Variants in GREB1 observed in about 807,000 individuals in gnomAD.
GREB1 encodes the protein growth regulating estrogen receptor binding 1.
A neutral mutation model predicts 200.7 loss-of-function variants in GREB1; 106 were observed. The observed-to-expected ratio is 0.53, with a 90% confidence interval of 0.45 to 0.62. GREB1 has a LOEUF of 0.62. Ranked by LOEUF, GREB1 falls within the 20% of genes least tolerant of loss-of-function variation. The pLI is 0.00. For missense variants in GREB1, 2,243 were observed against 2,556.8 expected (o/e 0.88, Z 2.65); for synonymous variants, 1,132 against 1,092.4 (o/e 1.04, Z -0.72).
intron 3 of GREB1, among the ~76,000 whole-genome samples, chr2:11,565,241 G>T (rs1011723027): frequency 6.6e-6 from 1 of 152,246 alleles, no homozygotes; most frequent in Non-Finnish European, 1.5e-5. Context: ...TTTGCTGCAG[G>T]TGATGAGATG....
At chr2:11,497,922 C>T (rs947368698) in intron 1 of GREB1, among the ~76,000 whole-genome samples, 1 of 88,038 alleles carries the variant, frequency 1.1e-5, no homozygotes, top group Non-Finnish European at 2.4e-5. Flanking sequence ...TTCTTCCATT[C>T]TTTAGTTTGT....
rs868120213 is a variant in GREB1 at position 11,597,234 on chromosome 2, T to C, written c.1955-547T>C. Among the ~76,000 whole-genome samples the C allele has an allele frequency of 3.9e-5, 6 of 152,124 alleles. No homozygotes were observed. The highest frequency in any genetic ancestry group is 5.9e-5 in the Non-Finnish European group (4 of 68,006). ...ATCCACAAGACAGGACATCTTTTAGTGTCACAGTAGACCTGATACCTAATT... is the reference window on the plus strand; with the variant it reads ...ATCCACAAGACAGGACATCTTTTAGCGTCACAGTAGACCTGATACCTAATT... On this transcript the variant is annotated intron_variant, in intron 13 of 32. Coordinates refer to ENST00000381486, the MANE Select transcript of GREB1 (RefSeq NM_014668.4). This position sits in a 1 kb window ranked among gnomAD's most constrained non-coding sequence, Gnocchi z 4.1.
chr2:11,498,268 TTTTTGTAAAAGGTTTAGG>T (rs1012999989), intron 1 of GREB1, among the ~76,000 whole-genome samples: 2 of 151,916 alleles, frequency 1.3e-5, no homozygotes, highest in African/African-American at 4.8e-5. Flanking sequence ...TATGAGTTAA[TTTTTGTAAAAGGTTTAGG>T]TTTTGTAAAA....
Position 11,615,260 on chromosome 2 carries a change from GACA to G in GREB1, c.3295_3297del (p.Asn1099del). The stretch of plus-strand genomic sequence containing the variant: ...TGATGCTGAGAAGCTGAGCAGCACA[GACA>G]ACGAGGATGAGGAGCTGGGGACAGA... On this transcript the variant is annotated inframe_deletion, in exon 20 of 33. Transcript: ENST00000381486. 1 of 1,603,498 alleles carries G rather than the reference GACA, an allele frequency of 6.2e-7. No individual in the cohort carries two copies. Among genetic ancestry groups the G allele is most frequent in the Non-Finnish European group, 8.5e-7 (1 of 1,174,494 alleles).
chr2:11,529,292 C>T (rs1443271328), upstream of GREB1, among the ~76,000 whole-genome samples: 1 of 152,194 alleles, frequency 6.6e-6, no homozygotes, highest in Admixed American at 6.5e-5. Flanking sequence ...TAAACTGAGG[C>T]GCTGGCTTAG....
chr2:11,542,314 G>C (rs1031077360), intron 1 of GREB1, among the ~76,000 whole-genome samples: 1 of 152,308 alleles, frequency 6.6e-6, no homozygotes, highest in Middle Eastern at 3.4e-3. Context: ...ATCTGTACTT[G>C]AGCCCTGAGA....
chr2:11,516,146 C>T (rs1458197653), intron 1 of GREB1, among the ~76,000 whole-genome samples: 1 of 152,176 alleles, frequency 6.6e-6, no homozygotes, highest in African/African-American at 2.4e-5. Flanking sequence ...TTGGACATCA[C>T]TCTGCTTGCT....
intron 3 of GREB1, among the ~76,000 whole-genome samples, chr2:11,564,099 G>T (rs548044662): frequency 6.6e-6 from 1 of 152,294 alleles, no homozygotes; most frequent in African/African-American, 2.4e-5. Context: ...CAAAGGCTTA[G>T]TGGGTGAAAT....
At chr2:11,509,019 C>T (rs567256683) in intron 1 of GREB1, among the ~76,000 whole-genome samples, 170 of 151,662 alleles carry the variant, frequency 1.1e-3, no homozygotes, top group African/African-American at 4.0e-3. Flanking sequence ...GGACTACAGG[C>T]GCCCGCCACC....
Position 11,592,726 on chromosome 2 carries a change from C to T in GREB1, c.1346-50C>T, listed in dbSNP as rs566976295. ...TCACATCACTGCACCCGTGCGTCCC[C>T]GGATGCCGCTGGCATTTGTGGCAGG... On this transcript the variant is annotated intron_variant, in intron 10 of 32. Coordinates refer to ENST00000381486, the MANE Select transcript of GREB1 (RefSeq NM_014668.4). 9.4e-6 allele frequency: 12 copies of T among 1,276,610 alleles called. No individual in the cohort carries two copies. In the South Asian group the frequency reaches 1.3e-4, roughly 14 times the overall value. 79.1% of individuals were successfully genotyped at this position (1,276,610 alleles called of 1,614,324 possible).
Position 11,614,779 on chromosome 2 carries a change from G to A in GREB1, c.3123-312G>A, listed in dbSNP as rs185690621. Among the ~76,000 whole-genome samples, 1,099 of 152,210 alleles carry A rather than the reference G, an allele frequency of 7.2e-3. 13 individuals carry two copies. Among genetic ancestry groups the A allele is most frequent in the African/African-American group, 0.025 (1,038 of 41,522 alleles). ...GGGGTTTCACCGTGTTAGCCAGGATGGTCTCGATCTCCTGACCTTGTGATC... is the reference window on the plus strand; with the variant it reads ...GGGGTTTCACCGTGTTAGCCAGGATAGTCTCGATCTCCTGACCTTGTGATC... On this transcript the variant is annotated intron_variant, in intron 19 of 32. Transcript: ENST00000381486.
At chr2:11,601,543 T>G (rs1303752197) in intron 16 of GREB1, among the ~76,000 whole-genome samples, 1 of 152,196 alleles carries the variant, frequency 6.6e-6, no homozygotes, top group Admixed American at 6.5e-5. Flanking sequence ...GAATTCTGGG[T>G]GGTTTGTAGT....
intron 1 of GREB1, among the ~76,000 whole-genome samples, chr2:11,485,633 G>T (rs1239399687): frequency 1.3e-5 from 2 of 152,140 alleles, no homozygotes; most frequent in African/African-American, 2.4e-5. Flanking sequence ...GAGAGATTTT[G>T]ATCTCAAACA....
At chr2:11,501,175 TC>T (rs1295177592) in intron 1 of GREB1, among the ~76,000 whole-genome samples, 5 of 152,146 alleles carry the variant, frequency 3.3e-5, no homozygotes, top group African/African-American at 9.7e-5. Context: ...CAGTTTTTTT[TC>T]CTGGAGGGAC....
intron 17 of GREB1, among the ~76,000 whole-genome samples, chr2:11,608,081 A>G (rs1290903138): frequency 6.6e-6 from 1 of 152,190 alleles, no homozygotes; most frequent in Admixed American, 6.5e-5. Flanking sequence ...GAAAAATCCC[A>G]AGAGAAGACT....
chr2:11,497,798 C>T (rs551895039), intron 1 of GREB1, among the ~76,000 whole-genome samples: 2 of 151,910 alleles, frequency 1.3e-5, no homozygotes, highest in African/African-American at 2.4e-5. Context: ...TCATGTCTTT[C>T]GCCCATTTTC....
chr2:11,618,215 TC>T (rs1683645180), intron 21 of GREB1, 72 bp from the exon 22 acceptor site: 1 of 1,436,268 alleles, frequency 7.0e-7, no homozygotes, highest in Admixed American at 2.3e-5. Flanking sequence ...CTGGGACAGG[TC>T]ACTCCTGGGA....
intron 10 of GREB1, among the ~76,000 whole-genome samples, chr2:11,589,596 CAG>C (rs1204728200): frequency 2.0e-5 from 3 of 152,194 alleles, no homozygotes; most frequent in African/African-American, 2.4e-5. Context: ...TATTTTTAGA[CAG>C]GGGATGGAGG....
intron 2 of GREB1, chr2:11,561,360 T>TA (rs148091899): frequency 0.13 from 16,369 of 127,036 alleles, 1,735 homozygotes; most frequent in African/African-American, 0.33. Context: ...CCCTTGGGGA[T>TA]ATTTTTTTTT....
Sources: gnomAD v4.1 joint callset for allele counts (sites outside exome capture counted in the v4.1 genomes callset) on GRCh38, gnomAD v4.1.1 for gene constraint, Gnocchi (gnomAD v3.1) non-coding constraint, MANE v1.5 for transcripts, NCBI Gene and HGNC (gene_info 2026-07-23, HGNC 2026-07-21) for gene names.